Variants in SCAPER observed in about 807,000 individuals in gnomAD.
SCAPER encodes S phase cyclin A-associated protein in the endoplasmic reticulum.
A neutral mutation model predicts 182.2 loss-of-function variants in SCAPER; 98 were observed. The ratio of observed to expected loss-of-function variants is 0.54; its 90% CI spans 0.46 to 0.64. SCAPER has a LOEUF of 0.64. Among genes scored for constraint, SCAPER ranks in the 30% least tolerant of loss-of-function variants. SCAPER has a pLI of 0.00. For synonymous variants in SCAPER, 605 were observed against 564.6 expected (o/e 1.07, Z -1.01); for missense variants, 1,432 against 1,690.0 (o/e 0.85, Z 2.68).
chr15:76,716,329 C>T (rs756487551), intron 17 of SCAPER, among the ~76,000 whole-genome samples: 7 of 152,104 alleles, frequency 4.6e-5, no homozygotes, highest in Non-Finnish European at 8.8e-5. Context: ...CCCCTTCCCA[C>T]TCTGTAAAGT....
chr15:76,528,978 C>T (rs1019802966), intron 23 of SCAPER, among the ~76,000 whole-genome samples: 9 of 152,218 alleles, frequency 5.9e-5, no homozygotes, highest in East Asian at 1.9e-4. Context: ...TCTGCCAAAT[C>T]GTAGCTTCAT....
chr15:76,500,674 T>C (rs2041027698), intron 24 of SCAPER, among the ~76,000 whole-genome samples: 1 of 152,208 alleles, frequency 6.6e-6, no homozygotes, highest in South Asian at 2.1e-4. Context: ...TGAAAACTCC[T>C]ATTTATTTTC....
rs545396255 is a variant in SCAPER at position 76,728,857 on chromosome 15, C to G, written c.2023-120G>C. 2.2e-5 allele frequency: 22 copies of G among 1,003,490 alleles called. No homozygotes were observed. In the African/African-American group the frequency reaches 3.6e-4, roughly 16 times the overall value. The allele number at this position is 1,003,490 out of a possible 1,614,324, so 62.2% of individuals were successfully genotyped here. A position where few individuals can be genotyped will look rare whatever the true frequency, so the allele number is the denominator to read the frequency against. The stretch of plus-strand genomic sequence containing the variant: ...GCCAAGTAGAAACATGGGCTTGCCA[C>G]TAGGTACTCTGCTTCTTAAAGTTTA... On this transcript the variant is annotated intron_variant, in intron 16 of 31. Coordinates refer to ENST00000563290, the MANE Select transcript of SCAPER (RefSeq NM_020843.4).
intron 24 of SCAPER, among the ~76,000 whole-genome samples, chr15:76,502,685 A>G (rs1198204921): frequency 6.6e-6 from 1 of 152,200 alleles, no homozygotes; most frequent in African/African-American, 2.4e-5. Context: ...ACAAACCTGC[A>G]CGTTGTGCAC....
rs35484908 is a variant in SCAPER, at chr15:76,854,803, CAA to C, written c.195+3004_195+3005del. ...TGAAACCCCATCTCTACTAAAAATACAAAAAAAAAAAAAAAAAAATTAGCCAG... is the reference window on the plus strand; with the variant it reads ...TGAAACCCCATCTCTACTAAAAATACAAAAAAAAAAAAAAAAATTAGCCAG... On this transcript the variant is annotated intron_variant, in intron 4 of 31. Transcript: ENST00000563290. Among the ~76,000 whole-genome samples, 598 of 118,322 alleles carry C rather than the reference CAA, an allele frequency of 5.1e-3. 3 individuals carry two copies. The highest frequency in any genetic ancestry group is 0.012 in the African/African-American group (367 of 30,048). The allele number at this position is 118,322 out of a possible 152,430, so 77.6% of individuals were successfully genotyped here.
At chr15:76,360,660 A>T (rs2041340332) in intron 29 of SCAPER, among the ~76,000 whole-genome samples, 1 of 152,192 alleles carries the variant, frequency 6.6e-6, no homozygotes, top group Non-Finnish European at 1.5e-5. Flanking sequence ...AAACCAACTG[A>T]CATAGATTAA....
At chr15:76,658,745 G>T (rs1450012757) in intron 21 of SCAPER, among the ~76,000 whole-genome samples, 4 of 152,114 alleles carry the variant, frequency 2.6e-5, no homozygotes, top group Admixed American at 6.6e-5. Context: ...GAACAGTAAA[G>T]AGAGTGCAGA....
intron 17 of SCAPER, 118 bp downstream of exon 17, chr15:76,728,477 T>A: frequency 7.4e-7 from 1 of 1,345,084 alleles, no homozygotes; most frequent in Non-Finnish European, 1.0e-6. Context: ...AAGATCAACC[T>A]GGGGAACATC....
At chr15:76,905,239 CCG>C (rs2075003651) in intron 1 of SCAPER, 58 bp downstream of exon 1, 1 of 183,046 alleles carries the variant, frequency 5.5e-6, no homozygotes, top group Non-Finnish European at 1.2e-5. Flanking sequence ...TTCAGACGGC[CCG>C]CGCCCCAACC....
At chr15:76,485,762 C>T (rs2051571419) in intron 24 of SCAPER, among the ~76,000 whole-genome samples, 1 of 152,116 alleles carries the variant, frequency 6.6e-6, no homozygotes, top group Non-Finnish European at 1.5e-5. Flanking sequence ...TTTGACACAC[C>T]TGATAAAAAC....
chr15:76,886,068 T>C (rs2073822314), intron 1 of SCAPER, among the ~76,000 whole-genome samples: 1 of 152,158 alleles, frequency 6.6e-6, no homozygotes, highest in Non-Finnish European at 1.5e-5. Flanking sequence ...TTTTAAGACA[T>C]CCCCATACTG....
chr15:76,883,981 C>A (rs2073714379), intron 1 of SCAPER, 105 bp from the exon 2 acceptor site: 5 of 582,462 alleles, frequency 8.6e-6, no homozygotes, highest in Middle Eastern at 4.5e-4. Flanking sequence ...TAAACAACAA[C>A]AAAAAAAACT....
At chr15:76,831,324 A>T (rs1325177289) in intron 5 of SCAPER, among the ~76,000 whole-genome samples, 2 of 152,004 alleles carry the variant, frequency 1.3e-5, no homozygotes, top group East Asian at 3.9e-4. Flanking sequence ...CACACTCGCA[A>T]CACAGCCACA....
At chr15:76,747,264 GA>G (rs2151152516) in intron 15 of SCAPER, among the ~76,000 whole-genome samples, 1 of 152,272 alleles carries the variant, frequency 6.6e-6, no homozygotes, top group Non-Finnish European at 1.5e-5. Flanking sequence ...AGCACTTTGG[GA>G]GACCAAGGTG....
chr15:76,713,523 G>C (rs564246435), intron 17 of SCAPER, among the ~76,000 whole-genome samples: 1 of 151,774 alleles, frequency 6.6e-6, no homozygotes, highest in Non-Finnish European at 1.5e-5. Context: ...GCAAACTATC[G>C]CAAGGACAAA....
In SCAPER at chr15:76,775,120, A is replaced by C. The variant is rs548208292; in HGVS notation, c.773-3T>G. The C allele has an allele frequency of 6.3e-7, 1 of 1,583,938 alleles. No individual in the cohort carries two copies. Among genetic ancestry groups the C allele is most frequent in the East Asian group, 2.2e-5 (1 of 44,498 alleles). On this transcript the variant is annotated splice_region_variant and splice_polypyrimidine_tract_variant and intron_variant, in intron 8 of 31. Coordinates refer to ENST00000563290, the MANE Select transcript of SCAPER (RefSeq NM_020843.4). ...CCATCCTTCAGCATCTTTCCGTTCTATGCAATTAAAGTAAAAAACAAATCA... is the reference window on the plus strand; with the variant it reads ...CCATCCTTCAGCATCTTTCCGTTCTCTGCAATTAAAGTAAAAAACAAATCA...
At chr15:76,368,708 C>T (rs753529811) in intron 29 of SCAPER, among the ~76,000 whole-genome samples, 1 of 152,250 alleles carries the variant, frequency 6.6e-6, no homozygotes, top group Non-Finnish European at 1.5e-5. Context: ...GAAACTCCAA[C>T]TCTGATAGCT....
In SCAPER at chr15:76,684,699, CTT is replaced by C. The variant is rs553738886; in HGVS notation, c.2508+17057_2508+17058del. Among the ~76,000 whole-genome samples, 557 of 151,716 alleles carry C rather than the reference CTT, an allele frequency of 3.7e-3. 1 individual carries two copies. Among genetic ancestry groups the C allele is most frequent in the Non-Finnish European group, 5.8e-3 (395 of 67,848 alleles). ...TATAAAAATAAATTTCTAGAAAACTCTTAACTTTGCAGAAGAGACTAAAAGGG... is the reference window on the plus strand; with the variant it reads ...TATAAAAATAAATTTCTAGAAAACTCAACTTTGCAGAAGAGACTAAAAGGG... On this transcript the variant is annotated intron_variant, in intron 20 of 31. Coordinates refer to ENST00000563290, the MANE Select transcript of SCAPER (RefSeq NM_020843.4).
chr15:76,586,623 T>C (rs2048678223), intron 22 of SCAPER: 1 of 153,464 alleles, frequency 6.5e-6, no homozygotes, highest in South Asian at 2.1e-4. Context: ...TGTGTGTGTG[T>C]ATATTACATA....
Sources: gnomAD v4.1 joint callset for allele counts (sites outside exome capture counted in the v4.1 genomes callset) on GRCh38, gnomAD v4.1.1 for gene constraint, MANE v1.5 for transcripts, NCBI Gene and HGNC (gene_info 2026-07-23, HGNC 2026-07-21) for gene names.